The following FBXL13 variants were observed in gnomAD, a reference collection of about 807,000 sequenced individuals.
FBXL13 encodes F-box and leucine rich repeat protein 13.
Under a neutral mutation model 83.6 loss-of-function variants are expected in FBXL13, and 67 were observed. The ratio of observed to expected loss-of-function variants is 0.80; its 90% CI spans 0.66 to 0.98. The LOEUF is 0.98. Ranked by LOEUF, FBXL13 falls within the 50% of genes least tolerant of loss-of-function variation. The pLI is 0.00. For synonymous variants in FBXL13, 272 were observed against 299.5 expected (o/e 0.91, Z 0.95); for missense variants, 822 against 866.5 (o/e 0.95, Z 0.64).
intron 6 of FBXL13, among the ~76,000 whole-genome samples, chr7:102,998,690 G>A (rs947604799): frequency 1.3e-5 from 2 of 151,920 alleles, no homozygotes; most frequent in African/African-American, 4.8e-5. Flanking sequence ...TATTAGGTTG[G>A]GCGCAGTGGC....
intron 16 of FBXL13, among the ~76,000 whole-genome samples, chr7:102,858,960 G>T (rs1806416809): frequency 6.6e-6 from 1 of 152,068 alleles, no homozygotes; most frequent in Non-Finnish European, 1.5e-5. Flanking sequence ...AAAAACCACT[G>T]AATTGTATAC....
exon 18 of FBXL13, chr7:102,832,843 T>G: frequency 1.2e-6 from 2 of 1,614,174 alleles, no homozygotes; most frequent in Non-Finnish European, 1.7e-6. Context: ...CACATACCTT[T>G]GGACAGCCAG....
chr7:102,936,417 G>A (rs1377545678), intron 8 of FBXL13: 1 of 152,184 alleles, frequency 6.6e-6, no homozygotes, highest in Admixed American at 6.6e-5. Flanking sequence ...ATTAATCTGA[G>A]CATATTCAAA....
intron 8 of FBXL13, among the ~76,000 whole-genome samples, chr7:102,937,162 G>A (rs901980520): frequency 4.3e-4 from 66 of 152,220 alleles, no homozygotes; most frequent in African/African-American, 1.5e-3. Context: ...GTTCCTCCAA[G>A]TGTTAATGAC....
chr7:102,824,277 T>C (rs926964426), intron 18 of FBXL13, among the ~76,000 whole-genome samples: 4 of 152,136 alleles, frequency 2.6e-5, no homozygotes, highest in African/African-American at 7.2e-5. Context: ...CTTGAAAAAA[T>C]GTTTTGGTTT....
chr7:103,074,774 C>A (rs1799500897), upstream of FBXL13: 1 of 1,289,312 alleles, frequency 7.8e-7, no homozygotes, highest in Admixed American at 2.3e-5. Flanking sequence ...AGGCCATGGC[C>A]CAAGGCCTGA....
chr7:103,074,677 T>G, upstream of FBXL13: 4 of 1,287,150 alleles, frequency 3.1e-6, no homozygotes, highest in Non-Finnish European at 4.1e-6. Context: ...CTGTGTCCGC[T>G]GCCACGCGTG....
chr7:102,861,320 A>G (rs1431659884), intron 16 of FBXL13, among the ~76,000 whole-genome samples: 2 of 152,034 alleles, frequency 1.3e-5, no homozygotes, highest in Non-Finnish European at 2.9e-5. Flanking sequence ...CTTTTAAGAC[A>G]TTGACTTTTT....
chr7:103,000,205 T>C (rs769865062), intron 6 of FBXL13, among the ~76,000 whole-genome samples: 4 of 152,176 alleles, frequency 2.6e-5, no homozygotes, highest in East Asian at 1.9e-4. Context: ...TGTGTTTGTA[T>C]AGTTTCCAAA....
chr7:102,877,686 G>T, intron 15 of FBXL13, 93 bp from the exon 17 acceptor site: 2 of 1,301,914 alleles, frequency 1.5e-6, no homozygotes, highest in South Asian at 1.5e-5. Context: ...AAAACAAATG[G>T]TATTGAAGCA....
At position 103,055,193 on chromosome 7, in the gene FBXL13, T is replaced by C; in HGVS notation, c.-1+451A>G. ...TGCACATATCCCTTTAATAACATCA[T>C]AAAATACAGTCAAAATTAATTTCAT... On this transcript the variant is annotated intron_variant, in intron 2 of 19. Coordinates refer to ENST00000313221, the Ensembl canonical transcript of FBXL13. 8.2e-7 allele frequency: 1 copy of C among 1,219,126 alleles called. No individual in the cohort carries two copies. The highest frequency in any genetic ancestry group is 1.1e-6 in the Non-Finnish European group (1 of 935,124). 75.5% of individuals were successfully genotyped at this position (1,219,126 alleles called of 1,614,324 possible). A position where few individuals can be genotyped will look rare whatever the true frequency, so the allele number is the denominator to read the frequency against.
At chr7:102,899,699 G>C (rs1812720444) in intron 11 of FBXL13, among the ~76,000 whole-genome samples, 1 of 152,160 alleles carries the variant, frequency 6.6e-6, no homozygotes, top group Admixed American at 6.5e-5. Context: ...ACTAATACCA[G>C]TACAATGTAA....
intron 2 of FBXL13, among the ~76,000 whole-genome samples, chr7:103,042,166 C>T (rs905447357): frequency 1.3e-5 from 2 of 152,186 alleles, no homozygotes; most frequent in Admixed American, 6.5e-5. Context: ...ACAAGCATTC[C>T]TATACACCAA....
At chr7:102,895,455 T>A (rs1410647381) in intron 11 of FBXL13, among the ~76,000 whole-genome samples, 1 of 152,168 alleles carries the variant, frequency 6.6e-6, no homozygotes, top group Non-Finnish European at 1.5e-5. Context: ...TGAAACACGG[T>A]CCAAACTCCT....
intron 10 of FBXL13, among the ~76,000 whole-genome samples, chr7:102,921,744 A>G (rs1817080557): frequency 6.6e-6 from 1 of 152,222 alleles, no homozygotes; most frequent in African/African-American, 2.4e-5. Context: ...ATTTTTGGAA[A>G]TTAATTATAA....
rs115534939 is a variant in FBXL13, at chr7:102,913,909, C to T, written c.879-694G>A. Among the ~76,000 whole-genome samples, 913 of 152,232 alleles carry T rather than the reference C, an allele frequency of 6.0e-3. 12 individuals carry two copies. The highest frequency in any genetic ancestry group is 0.021 in the African/African-American group (881 of 41,546). On this transcript the variant is annotated intron_variant, in intron 10 of 19. Transcript: ENST00000313221. Reference sequence around the variant, plus strand: ...AAGCAACATCAGAGACTATAAATCTCGCTGGAGTTGAAACAGATTAAATAT... The same window carrying T: ...AAGCAACATCAGAGACTATAAATCTTGCTGGAGTTGAAACAGATTAAATAT...
intron 14 of FBXL13, among the ~76,000 whole-genome samples, chr7:102,882,508 T>G (rs1225976770): frequency 6.6e-6 from 1 of 152,152 alleles, no homozygotes; most frequent in Non-Finnish European, 1.5e-5. Flanking sequence ...ACACTTGTAT[T>G]CCCAGCACTT....
rs563427372 is a variant in FBXL13, at chr7:103,019,232, A to C, written c.495+5831T>G. ...CTGCTTCTGAATGACTACTGGGTAC[A>C]TAATGAAATGAAGGCAGAAACAAAG... is the stretch of plus-strand genomic sequence containing the variant. On this transcript the variant is annotated intron_variant, in intron 6 of 19. Coordinates refer to ENST00000313221, the Ensembl canonical transcript of FBXL13. Among the ~76,000 whole-genome samples the C allele has an allele frequency of 2.0e-5, 3 of 152,358 alleles. No individual in the cohort carries two copies. The East Asian group carries it at 5.8e-4, about 29-fold the overall frequency.
chr7:102,991,794 TG>T (rs1164460484), intron 6 of FBXL13, among the ~76,000 whole-genome samples: 3 of 152,168 alleles, frequency 2.0e-5, no homozygotes, highest in Non-Finnish European at 4.4e-5. Context: ...AATGGAACAT[TG>T]TATGATATGG....
Sources: allele counts gnomAD v4.1 joint callset (sites outside exome capture counted in the v4.1 genomes callset), GRCh38; gene constraint gnomAD v4.1.1; transcripts MANE v1.5; gene names NCBI Gene and HGNC (gene_info 2026-07-23, HGNC 2026-07-21).